Variants in TIAM1 observed in about 807,000 individuals in gnomAD.
The protein encoded by TIAM1 is TIAM Rac1 associated GEF 1.
TIAM1 carries 65 observed loss-of-function variants against 163.5 expected under a neutral mutation model. That is an observed-to-expected ratio of 0.40 (90% CI 0.33 to 0.49). The LOEUF (loss-of-function observed/expected upper bound fraction) is 0.49. Among genes scored for constraint, TIAM1 ranks in the 20% least tolerant of loss-of-function variants. The probability of loss-of-function intolerance (pLI) is 0.77; values close to 1 mark genes in which losing one functional copy is unlikely to be tolerated. For missense variants in TIAM1, 1,789 were observed against 2,044.7 expected (o/e 0.87, Z 2.41); for synonymous variants, 833 against 810.1 (o/e 1.03, Z -0.48).
In TIAM1 at chr21:31,142,563, G is replaced by A. The variant is rs569323444; in HGVS notation, c.3476-1059C>T. ...GGAGAATCACTTGAACCTGGGAGGC[G>A]GAGGTTGCAGTGAGCCGAGATCGTG... On this transcript the variant is annotated intron_variant, in intron 20 of 27. Coordinates refer to ENST00000541036, the MANE Select transcript of TIAM1 (RefSeq NM_001353694.2). Among the ~76,000 whole-genome samples the A allele has an allele frequency of 4.4e-3, 658 of 149,114 alleles. 4 individuals are homozygous for A. The highest frequency in any genetic ancestry group is 0.015 in the African/African-American group (624 of 40,418).
intron 2 of TIAM1, among the ~76,000 whole-genome samples, chr21:31,303,195 G>C (rs1322420622): frequency 6.6e-6 from 1 of 152,154 alleles, no homozygotes; most frequent in East Asian, 1.9e-4. Context: ...ATTAAAAAAA[G>C]TAAATTTTCC....
At chr21:31,308,517 T>A (rs1033491023) in intron 2 of TIAM1, among the ~76,000 whole-genome samples, 9 of 151,820 alleles carry the variant, frequency 5.9e-5, no homozygotes, top group South Asian at 2.1e-4. Flanking sequence ...CATAATTTAA[T>A]CTACATTTAC....
intron 14 of TIAM1, 90 bp from the exon 15 acceptor site, chr21:31,182,735 G>A (rs1471713986): frequency 1.1e-5 from 15 of 1,343,888 alleles, no homozygotes; most frequent in Non-Finnish European, 1.4e-5. Flanking sequence ...CACACCTGCT[G>A]TGGGTCTCAC....
chr21:31,376,052 A>G (rs1362712606), intron 2 of TIAM1, among the ~76,000 whole-genome samples: 2 of 152,050 alleles, frequency 1.3e-5, no homozygotes, highest in Non-Finnish European at 2.9e-5. Context: ...AAAAAAGAGT[A>G]GAAAAAAATA....
chr21:31,292,371 C>CTTTT (rs763364996), intron 2 of TIAM1, among the ~76,000 whole-genome samples: 1 of 138,834 alleles, frequency 7.2e-6, no homozygotes, highest in South Asian at 2.3e-4. Flanking sequence ...TTTCAATTTC[C>CTTTT]TTTTTTTTTT....
At chr21:31,313,507 T>A (rs1173319823) in intron 2 of TIAM1, among the ~76,000 whole-genome samples, 4 of 152,202 alleles carry the variant, frequency 2.6e-5, no homozygotes, top group African/African-American at 9.6e-5. Flanking sequence ...AAAGAAAGAT[T>A]GTTCTTTTAA....
At chr21:31,250,211 T>C (rs903738962) in intron 5 of TIAM1, among the ~76,000 whole-genome samples, 12 of 149,978 alleles carry the variant, frequency 8.0e-5, no homozygotes, top group East Asian at 1.9e-4. Context: ...GCAACAAAAC[T>C]TCAGAAGGAG....
At chr21:31,351,713 T>C (rs2076237037) in intron 2 of TIAM1, among the ~76,000 whole-genome samples, 2 of 152,142 alleles carry the variant, frequency 1.3e-5, no homozygotes, top group African/African-American at 2.4e-5. Context: ...GATAGCAACC[T>C]GGTCAAAGAT....
chr21:31,390,527 T>C (rs2076949990), intron 2 of TIAM1, among the ~76,000 whole-genome samples: 1 of 152,202 alleles, frequency 6.6e-6, no homozygotes, highest in African/African-American at 2.4e-5. Context: ...GGAGCACCTA[T>C]ACAATCACAG....
chr21:31,376,918 G>A (rs2147166154), intron 2 of TIAM1, among the ~76,000 whole-genome samples: 1 of 151,912 alleles, frequency 6.6e-6, no homozygotes, highest in Middle Eastern at 3.2e-3. Flanking sequence ...GGGTGCAGTG[G>A]CACGATCTCA....
At chr21:31,542,540 G>GC (rs1001703362) in intron 1 of TIAM1, among the ~76,000 whole-genome samples, 2 of 152,032 alleles carry the variant, frequency 1.3e-5, no homozygotes, top group African/African-American at 2.4e-5. Context: ...ATTTCTACTT[G>GC]CCCCCCAACC....
chr21:31,351,151 T>G (rs1261079008), intron 2 of TIAM1, among the ~76,000 whole-genome samples: 1 of 152,174 alleles, frequency 6.6e-6, no homozygotes, highest in Non-Finnish European at 1.5e-5. Context: ...TCTCAAAATA[T>G]TAAAGGGTCT....
In TIAM1 at chr21:31,120,083, T is replaced by C; in HGVS notation, c.*285A>G. The C allele has an allele frequency of 3.1e-6, 1 of 325,788 alleles. No individual in the cohort carries two copies. Among genetic ancestry groups the C allele is most frequent in the Non-Finnish European group, 5.6e-6 (1 of 179,530 alleles). The allele number at this position is 325,788 out of a possible 1,614,324, so 20.2% of individuals were successfully genotyped here. On this transcript the variant is annotated 3_prime_UTR_variant, in exon 28 of 28. Transcript: ENST00000541036. The surrounding 1 kb of genome is among the most constrained non-coding windows in gnomAD (Gnocchi z 4.2). ...TTGCTTTCCAGTGCTATAGAATCTT[T>C]TTTCTTTTAATTGTTCAGGCCCTGA...
At position 31,266,468 on chromosome 21, in the gene TIAM1, G is replaced by A. The variant is rs151192680; in HGVS notation, c.505C>T (p.Arg169Cys). 4.2e-5 allele frequency: 67 copies of A among 1,614,078 alleles called. No individual in the cohort carries two copies. Among genetic ancestry groups the A allele is most frequent in the Non-Finnish European group, 5.2e-5 (61 of 1,180,052 alleles). ...CGCCAGATGTCTGCAGATTTGGAGC[G>A]TTTCTTCTTAAAGCTCGCCGTCTCC... is the stretch of plus-strand genomic sequence containing the variant. ...FMETASFKKKRSKSADIWRED... is the reference protein window; with the variant it reads ...FMETASFKKKCSKSADIWRED... Residue 169 changes from arginine (R) to cysteine (C), a missense_variant, in exon 4 of 28, where the codon CGC becomes TGC. This residue lies in a region of TIAM1 where 555 missense variants were observed against 564.9 expected (regional missense o/e 0.98). Transcript: ENST00000541036.
intron 2 of TIAM1, among the ~76,000 whole-genome samples, chr21:31,300,776 G>T (rs1188264920): frequency 6.6e-6 from 1 of 152,170 alleles, no homozygotes; most frequent in Non-Finnish European, 1.5e-5. Context: ...ATTGCCAATG[G>T]CAAACATTAT....
chr21:31,433,683 T>C (rs2044117761), intron 2 of TIAM1, among the ~76,000 whole-genome samples: 1 of 152,266 alleles, frequency 6.6e-6, no homozygotes, highest in South Asian at 2.1e-4. Context: ...ACTTATACTC[T>C]GAAACATCTT....
At chr21:31,340,283 G>C (rs1193462406) in intron 1 of TIAM1, among the ~76,000 whole-genome samples, 4 of 151,750 alleles carry the variant, frequency 2.6e-5, no homozygotes, top group African/African-American at 9.7e-5. Context: ...AGAACCAATG[G>C]CTCAGGGTTG....
At chr21:31,386,830 A>G (rs2076880264) in intron 2 of TIAM1, among the ~76,000 whole-genome samples, 1 of 152,222 alleles carries the variant, frequency 6.6e-6, no homozygotes, top group African/African-American at 2.4e-5. Flanking sequence ...GCTATTGTTA[A>G]AAGAATAACT....
intron 2 of TIAM1, among the ~76,000 whole-genome samples, chr21:31,327,384 A>T (rs2075524764): frequency 6.6e-6 from 1 of 152,184 alleles, no homozygotes; most frequent in Admixed American, 6.5e-5. Context: ...TCATGCCTGT[A>T]ATCTCAACAC....
Sources: allele counts gnomAD v4.1 joint callset (sites outside exome capture counted in the v4.1 genomes callset), GRCh38; gene constraint gnomAD v4.1.1; regional missense constraint gnomAD v4.1.1; non-coding constraint Gnocchi (gnomAD v3.1); transcripts MANE v1.5; gene names NCBI Gene and HGNC (gene_info 2026-07-23, HGNC 2026-07-21).